Variants in ROBO2 observed in about 807,000 individuals in gnomAD.
ROBO2 encodes the protein roundabout homolog 2.
A neutral mutation model predicts 160.8 loss-of-function variants in ROBO2; 53 were observed. That is an observed-to-expected ratio of 0.33 (90% CI 0.26 to 0.41). ROBO2 has a LOEUF of 0.41. Among genes scored for constraint, ROBO2 ranks in the 10% least tolerant of loss-of-function variants. ROBO2 has a pLI of 1.00. For missense variants in ROBO2, 1,577 were observed against 1,722.4 expected, an observed-to-expected ratio of 0.92 and a Z score of 1.49; for synonymous variants, 664 against 611.7, an observed-to-expected ratio of 1.09 and a Z score of -1.26.
intron 2 of ROBO2, among the ~76,000 whole-genome samples, chr3:77,294,593 T>A (rs2061802323): frequency 6.8e-6 from 1 of 146,442 alleles, no homozygotes; most frequent in Non-Finnish European, 1.5e-5. Flanking sequence ...AAGCTGAGGC[T>A]AGATCATCAA....
chr3:76,358,698 A>T (rs2075320264), intron 2 of ROBO2, among the ~76,000 whole-genome samples: 1 of 152,080 alleles, frequency 6.6e-6, no homozygotes, highest in South Asian at 2.1e-4. Context: ...TCTAAACATG[A>T]AACTGTCTAG....
chr3:76,125,236 C>T (rs889940616), intron 2 of ROBO2, among the ~76,000 whole-genome samples: 1 of 152,058 alleles, frequency 6.6e-6, no homozygotes, highest in African/African-American at 2.4e-5. Context: ...ATTTCTTTAT[C>T]CAATCTACCA....
intron 2 of ROBO2, among the ~76,000 whole-genome samples, chr3:76,148,828 G>C (rs2072027085): frequency 6.6e-6 from 1 of 151,842 alleles, no homozygotes; most frequent in Non-Finnish European, 1.5e-5. Flanking sequence ...TTTTTTGGTT[G>C]TTTAAAGCTA....
rs551990939 is a variant in ROBO2 at position 77,239,756 on chromosome 3, C to T, written c.388+141416C>T. On this transcript the variant is annotated intron_variant, in intron 2 of 25. Transcript: ENST00000461745. ...CCTAGACGCAGAGCACTGATTGGTG[C>T]GTTTACAAACCTTGAGCTAGACACA... Among the ~76,000 whole-genome samples, 19 of 151,878 alleles carry T rather than the reference C, an allele frequency of 1.3e-4. No individual in the cohort carries two copies. The East Asian group carries it at 3.5e-3, about 28-fold the overall frequency.
At chr3:77,035,815 A>G (rs2063599567), upstream of ROBO2, among the ~76,000 whole-genome samples, 1 of 151,964 alleles carries the variant, frequency 6.6e-6, no homozygotes, top group Non-Finnish European at 1.5e-5. Flanking sequence ...AGGATTTTTA[A>G]TGCTTCACTT....
intron 2 of ROBO2, chr3:76,434,413 G>C: frequency 6.4e-7 from 1 of 1,568,124 alleles, no homozygotes; most frequent in Non-Finnish European, 8.8e-7. Context: ...AAAGTATCCA[G>C]GCCCTGGGCT....
At chr3:77,405,122 T>G (rs1399744655) in intron 2 of ROBO2, among the ~76,000 whole-genome samples, 2 of 152,184 alleles carry the variant, frequency 1.3e-5, no homozygotes, top group African/African-American at 4.8e-5. Context: ...TAACACATCA[T>G]GAACTTCCTA....
intron 2 of ROBO2, among the ~76,000 whole-genome samples, chr3:76,701,016 A>T (rs149803906): frequency 6.6e-6 from 1 of 152,196 alleles, no homozygotes; most frequent in Non-Finnish European, 1.5e-5. Flanking sequence ...CAAATTCCTA[A>T]TGGGGCCCAT....
chr3:76,048,406 T>C (rs897312281), intron 2 of ROBO2, among the ~76,000 whole-genome samples: 17 of 152,198 alleles, frequency 1.1e-4, no homozygotes, highest in Admixed American at 3.9e-4. Flanking sequence ...CACATCATGA[T>C]TGACACTCAG....
chr3:76,702,781 A>G (rs78974235), intron 2 of ROBO2, among the ~76,000 whole-genome samples: 7,663 of 152,160 alleles, frequency 0.05, 308 homozygotes, highest in African/African-American at 0.1. Flanking sequence ...GAGGAAGGAG[A>G]TAAAACAAAA....
intron 2 of ROBO2, among the ~76,000 whole-genome samples, chr3:77,208,600 T>A (rs556640372): frequency 2.6e-5 from 4 of 152,288 alleles, no homozygotes; most frequent in African/African-American, 9.6e-5. Flanking sequence ...TGGACAGAAC[T>A]AACAGGCAGA....
At chr3:77,242,867 TG>T (rs2089233483) in intron 2 of ROBO2, among the ~76,000 whole-genome samples, 1 of 151,368 alleles carries the variant, frequency 6.6e-6, no homozygotes, top group Non-Finnish European at 1.5e-5. Flanking sequence ...TATTGTACTA[TG>T]TCTTAATAGT....
At chr3:76,397,439 A>G (rs2077526205) in intron 2 of ROBO2, among the ~76,000 whole-genome samples, 1 of 152,140 alleles carries the variant, frequency 6.6e-6, no homozygotes, top group South Asian at 2.1e-4. Context: ...CTAAAACACC[A>G]AAAGCAATGG....
chr3:77,597,671 A>G (rs930824521), intron 19 of ROBO2, among the ~76,000 whole-genome samples: 4 of 152,012 alleles, frequency 2.6e-5, no homozygotes, highest in African/African-American at 9.7e-5. Context: ...ATATTATTTA[A>G]GTTGATACCT....
At chr3:77,164,825 T>G (rs368674467) in intron 2 of ROBO2, among the ~76,000 whole-genome samples, 2 of 16,922 alleles carry the variant, frequency 1.2e-4, no homozygotes, top group Admixed American at 6.2e-4. Flanking sequence ...TCTGCCCGGC[T>G]GCCCCTACTG....
chr3:77,244,951 G>GC (rs2089540707), intron 2 of ROBO2, among the ~76,000 whole-genome samples: 1 of 38,422 alleles, frequency 2.6e-5, no homozygotes, highest in African/African-American at 1.5e-4. Flanking sequence ...CAAATGAACA[G>GC]CTTTTTTTTT....
intron 2 of ROBO2, among the ~76,000 whole-genome samples, chr3:76,975,271 G>A (rs2059758585): frequency 6.6e-6 from 1 of 152,144 alleles, no homozygotes; most frequent in Non-Finnish European, 1.5e-5. Flanking sequence ...TTGGGAGGCT[G>A]AGGCGGGCAG....
intron 2 of ROBO2, among the ~76,000 whole-genome samples, chr3:77,104,446 C>G (rs112143496): frequency 6.6e-6 from 1 of 152,048 alleles, no homozygotes; most frequent in Non-Finnish European, 1.5e-5. Context: ...ATCAACATAA[C>G]CACTTTTTAT....
At chr3:77,349,760 T>C (rs2068093344) in intron 2 of ROBO2, among the ~76,000 whole-genome samples, 1 of 152,104 alleles carries the variant, frequency 6.6e-6, no homozygotes. Context: ...ACAATAAACA[T>C]TGGATTCATC....
Sources: allele counts gnomAD v4.1 joint callset (sites outside exome capture counted in the v4.1 genomes callset), GRCh38; gene constraint gnomAD v4.1.1; transcripts MANE v1.5; gene names NCBI Gene and HGNC (gene_info 2026-07-23, HGNC 2026-07-21).